The following SYNDIG1L variants were observed in gnomAD, a reference collection of about 807,000 sequenced individuals.
SYNDIG1L encodes the protein synapse differentiation-inducing gene protein 1-like.
In SYNDIG1L, 13 loss-of-function variants were observed where a neutral mutation model predicts 20.1. That is an observed-to-expected ratio of 0.65 (90% CI 0.42 to 1.03). The LOEUF (loss-of-function observed/expected upper bound fraction) is 1.03, where lower values mean the gene tolerates loss of function less well. SYNDIG1L is among the 50% of genes least tolerant of loss of function. SYNDIG1L has a pLI of 0.00. For synonymous variants in SYNDIG1L, 128 were observed against 129.3 expected (o/e 0.99, Z 0.07); for missense variants, 294 against 305.1 (o/e 0.96, Z 0.27).
At position 74,407,234 on chromosome 14, in the gene SYNDIG1L, T is replaced by C. The variant is rs116260813; in HGVS notation, c.*301A>G. On this transcript the variant is annotated 3_prime_UTR_variant, in exon 4 of 4. Coordinates refer to ENST00000331628, the MANE Select transcript of SYNDIG1L (RefSeq NM_001105579.2). ...GTAGGGCAGGAGATCCTCTAGGGAA[T>C]GGGCAGAATGGATGGAGCTAGGCCC... 2,018 of 444,320 alleles carry C rather than the reference T, an allele frequency of 4.5e-3. 37 individuals carry two copies. The highest frequency in any genetic ancestry group is 0.037 in the African/African-American group (1,827 of 48,840). The allele number at this position is 444,320 out of a possible 1,614,324, so 27.5% of individuals were successfully genotyped here. A position where few individuals can be genotyped will look rare whatever the true frequency, so the allele number is the denominator to read the frequency against.
intron 1 of SYNDIG1L, among the ~76,000 whole-genome samples, chr14:74,411,549 C>T (rs750396490): frequency 3.3e-5 from 5 of 152,214 alleles, no homozygotes; most frequent in Non-Finnish European, 5.9e-5. Flanking sequence ...TCTTCTGCCC[C>T]AAGAGAAATG....
At chr14:74,473,216 T>C in the SYNDIG1L span, among the ~76,000 whole-genome samples, 2 of 151,860 alleles carry the variant, frequency 1.3e-5, no homozygotes, top group African/African-American at 4.8e-5. Flanking sequence ...TGATACCCCG[T>C]CTCTACTGAA....
chr14:74,454,027 A>C, the SYNDIG1L span, among the ~76,000 whole-genome samples: 1 of 152,184 alleles, frequency 6.6e-6, no homozygotes, highest in African/African-American at 2.4e-5. Context: ...AGAAAGAAGG[A>C]AATAAGAAAG....
rs185937523 is a variant in SYNDIG1L at position 74,410,148 on chromosome 14, T to G, written c.-57-347A>C. On this transcript the variant is annotated intron_variant, in intron 1 of 3. Transcript: ENST00000331628. ...AGAGGGAGCAGATGCCTGCTTTGTC[T>G]TCACAAAACTTCCAGTCTGGTGGAG... 5.3e-5 allele frequency among the ~76,000 whole-genome samples: 8 copies of G among 152,332 alleles called. No individual in the cohort carries two copies. In the East Asian group the frequency reaches 1.2e-3, roughly 22 times the overall value.
the SYNDIG1L span, among the ~76,000 whole-genome samples, chr14:74,463,081 T>A: frequency 6.6e-6 from 1 of 152,214 alleles, no homozygotes; most frequent in Non-Finnish European, 1.5e-5. Flanking sequence ...GAGAGAGTCG[T>A]GCACATTGCC....
the SYNDIG1L span, among the ~76,000 whole-genome samples, chr14:74,439,018 G>A: frequency 6.6e-6 from 1 of 151,556 alleles, no homozygotes. Context: ...GGAGGCTGAG[G>A]CAGGAAAATC....
At chr14:74,439,329 G>T in the SYNDIG1L span, among the ~76,000 whole-genome samples, 57 of 152,178 alleles carry the variant, frequency 3.7e-4, no homozygotes, top group African/African-American at 1.3e-3. Context: ...GAGGTTCAGA[G>T]GTTAAACAAC....
intron 3 of SYNDIG1L, 69 bp from the exon 4 acceptor site, chr14:74,407,762 C>G: frequency 6.3e-7 from 1 of 1,575,380 alleles, no homozygotes; most frequent in Non-Finnish European, 8.6e-7. Context: ...GCCTGCCAGG[C>G]CCCTGACCCC....
At position 74,410,960 on chromosome 14, in the gene SYNDIG1L, A is replaced by G. The variant is rs1000182617; in HGVS notation, c.-57-1159T>C. Among the ~76,000 whole-genome samples, 60 of 152,078 alleles carry G rather than the reference A, an allele frequency of 3.9e-4. 1 individual carries two copies. Among genetic ancestry groups the G allele is most frequent in the Admixed American group, 2.1e-3 (32 of 15,276 alleles). On this transcript the variant is annotated intron_variant, in intron 1 of 3. Coordinates refer to ENST00000331628, the MANE Select transcript of SYNDIG1L (RefSeq NM_001105579.2). The stretch of plus-strand genomic sequence containing the variant: ...CACTCAGGGCTTCCCTTCCTCCTTC[A>G]GCTGCTTTGAGCACCTACTGAGCAC...
the SYNDIG1L span, among the ~76,000 whole-genome samples, chr14:74,471,666 A>T: frequency 6.6e-6 from 1 of 152,122 alleles, no homozygotes; most frequent in East Asian, 1.9e-4. Context: ...ACTAAGAGTG[A>T]GTTGTTTGCT....
At chr14:74,445,454 T>TTG in the SYNDIG1L span, among the ~76,000 whole-genome samples, 6,603 of 147,804 alleles carry the variant, frequency 0.045, 145 homozygotes, top group Middle Eastern at 0.082. Context: ...GTATTAAAAT[T>TTG]TGTGTGTGTG....
the SYNDIG1L span, among the ~76,000 whole-genome samples, chr14:74,455,930 A>T: frequency 1.3e-5 from 2 of 152,176 alleles, no homozygotes; most frequent in Admixed American, 6.5e-5. Context: ...CTTTCAGTGG[A>T]CCCCCTGGCT....
At chr14:74,470,684 GC>G in the SYNDIG1L span, among the ~76,000 whole-genome samples, 8 of 152,304 alleles carry the variant, frequency 5.3e-5, no homozygotes, top group East Asian at 1.5e-3. Context: ...CTCCATCTCA[GC>G]CCCTGCTGAA....
chr14:74,476,414 TGGA>T, the SYNDIG1L span: 1 of 902,144 alleles, frequency 1.1e-6, no homozygotes, highest in Non-Finnish European at 1.8e-6. Context: ...ATATGATTTG[TGGA>T]GGACGGCCTG....
At position 74,406,794 on chromosome 14, in the gene SYNDIG1L, T is replaced by G. The variant is rs1566580009; in HGVS notation, c.*741A>C. 6.6e-6 allele frequency: 1 copy of G among 152,184 alleles called. No homozygotes were observed. The highest frequency in any genetic ancestry group is 1.5e-5 in the Non-Finnish European group (1 of 68,076). 9.4% of individuals were successfully genotyped at this position (152,184 alleles called of 1,614,324 possible). A position where few individuals can be genotyped will look rare whatever the true frequency, so the allele number is the denominator to read the frequency against. ...TGGGGGGAGAGTAGGAAGAGTCATG[T>G]AGTACAGCAATATTTCAGGACCCTC... is the stretch of plus-strand genomic sequence containing the variant. On this transcript the variant is annotated 3_prime_UTR_variant, in exon 4 of 4. Coordinates refer to ENST00000331628, the MANE Select transcript of SYNDIG1L (RefSeq NM_001105579.2).
At chr14:74,444,371 ATTTAT>A in the SYNDIG1L span, among the ~76,000 whole-genome samples, 5 of 152,038 alleles carry the variant, frequency 3.3e-5, 1 homozygote, top group East Asian at 7.7e-4. Flanking sequence ...TGCTTCATGA[ATTTAT>A]TTTATAAGTT....
chr14:74,423,963 G>C (rs1005408519), intron 1 of SYNDIG1L, among the ~76,000 whole-genome samples: 1 of 152,098 alleles, frequency 6.6e-6, no homozygotes, highest in Non-Finnish European at 1.5e-5. Flanking sequence ...CAGTCATTCT[G>C]AGTCACACTT....
chr14:74,439,269 T>A, the SYNDIG1L span, among the ~76,000 whole-genome samples: 6 of 152,158 alleles, frequency 3.9e-5, no homozygotes, highest in South Asian at 2.1e-4. Context: ...CTTTTACATC[T>A]TACTTGTCTC....
chr14:74,437,403 G>T, the SYNDIG1L span, among the ~76,000 whole-genome samples: 7 of 152,220 alleles, frequency 4.6e-5, no homozygotes, highest in Admixed American at 4.6e-4. Context: ...GACCAGGGCT[G>T]GAAGAAGTCC....
Sources: gnomAD v4.1 joint callset for allele counts (sites outside exome capture counted in the v4.1 genomes callset) on GRCh38, gnomAD v4.1.1 for gene constraint, MANE v1.5 for transcripts, NCBI Gene and HGNC (gene_info 2026-07-23, HGNC 2026-07-21) for gene names.